PIP5K1B: variants seen among roughly 807,000 people sequenced by gnomAD.
PIP5K1B encodes the protein phosphatidylinositol 4-phosphate 5-kinase type-1 beta.
PIP5K1B carries 42 observed loss-of-function variants against 67.0 expected under a neutral mutation model. That is an observed-to-expected ratio of 0.63 (90% confidence interval 0.49 to 0.81). The LOEUF (loss-of-function observed/expected upper bound fraction) is 0.81. Among genes scored for constraint, PIP5K1B ranks in the 30% least tolerant of loss-of-function variants. The probability of loss-of-function intolerance (pLI) is 0.00; values close to 1 mark genes in which losing one functional copy is unlikely to be tolerated. For synonymous variants in PIP5K1B, 214 were observed against 231.4 expected (o/e 0.92, Z 0.68); for missense variants, 459 against 646.3 (o/e 0.71, Z 3.14).
intron 6 of PIP5K1B, among the ~76,000 whole-genome samples, chr9:68,881,159 G>A (rs1265641266): frequency 2.6e-5 from 4 of 152,144 alleles, no homozygotes; most frequent in Admixed American, 2.0e-4. Flanking sequence ...AGAGCTTGAA[G>A]ACCCTTCACC....
chr9:68,899,777 A>G (rs1337817742), intron 8 of PIP5K1B, among the ~76,000 whole-genome samples: 2 of 152,140 alleles, frequency 1.3e-5, no homozygotes, highest in Admixed American at 1.3e-4. Flanking sequence ...TCCAACTTTT[A>G]TTTTAAGTTC....
intron 6 of PIP5K1B, among the ~76,000 whole-genome samples, chr9:68,882,803 A>G (rs187648844): frequency 6.6e-6 from 1 of 152,336 alleles, no homozygotes; most frequent in African/African-American, 2.4e-5. Flanking sequence ...CTTGGAGTCC[A>G]CACCTTTATA....
intron 14 of PIP5K1B, among the ~76,000 whole-genome samples, chr9:68,978,613 C>T (rs2132873927): frequency 6.6e-6 from 1 of 152,268 alleles, no homozygotes; most frequent in South Asian, 2.1e-4. Flanking sequence ...AAGCCCAGCA[C>T]TTGGAATGAA....
chr9:68,778,962 T>C (rs1173854375), intron 2 of PIP5K1B, among the ~76,000 whole-genome samples: 2 of 152,208 alleles, frequency 1.3e-5, no homozygotes, highest in African/African-American at 2.4e-5. Flanking sequence ...TCAACTCTAA[T>C]TGTCCCCTGA....
chr9:68,716,997 A>G (rs1174851956), intron 1 of PIP5K1B, among the ~76,000 whole-genome samples: 1 of 152,162 alleles, frequency 6.6e-6, no homozygotes, highest in Non-Finnish European at 1.5e-5. Flanking sequence ...GCAACCAAAT[A>G]CCGCGTGTTC....
At chr9:68,802,147 G>A (rs1225566405) in intron 2 of PIP5K1B, among the ~76,000 whole-genome samples, 4 of 152,148 alleles carry the variant, frequency 2.6e-5, no homozygotes, top group Non-Finnish European at 4.4e-5. Flanking sequence ...AATGAACCTG[G>A]AATAGCAAGA....
intron 4 of PIP5K1B, among the ~76,000 whole-genome samples, chr9:68,844,009 C>G (rs1486176839): frequency 6.6e-6 from 1 of 152,138 alleles, no homozygotes; most frequent in Non-Finnish European, 1.5e-5. Context: ...CAGTAGTTGG[C>G]CAGGCCTTTT....
chr9:68,928,802 A>G (rs1292075299), intron 12 of PIP5K1B, among the ~76,000 whole-genome samples: 1 of 152,156 alleles, frequency 6.6e-6, no homozygotes, highest in African/African-American at 2.4e-5. Context: ...ATTTATCATG[A>G]CCTATAATGA....
At chr9:68,710,766 G>A (rs193134811) in intron 1 of PIP5K1B, among the ~76,000 whole-genome samples, 1 of 152,328 alleles carries the variant, frequency 6.6e-6, no homozygotes, top group East Asian at 1.9e-4. Flanking sequence ...GTGTGTTCTT[G>A]TAGGAAGTCT....
chr9:69,008,372 T>C lies in PIP5K1B; in HGVS notation c.1621-75T>C, dbSNP rs535092381. ...GTGATTGGGAGAAATAACGAACTTA[T>C]GTTGCGACTCATGGGGAGAGGTTAC... On this transcript the variant is annotated intron_variant, in intron 15 of 15. Transcript: ENST00000265382. 8.5e-5 allele frequency: 114 copies of C among 1,338,392 alleles called. No homozygotes were observed. The South Asian group carries it at 1.1e-3, about 13-fold the overall frequency. The allele number at this position is 1,338,392 out of a possible 1,614,324, so 82.9% of individuals were successfully genotyped here. A position where few individuals can be genotyped will look rare whatever the true frequency, so the allele number is the denominator to read the frequency against.
intron 11 of PIP5K1B, among the ~76,000 whole-genome samples, chr9:68,922,251 G>C (rs1336639195): frequency 1.3e-5 from 2 of 152,112 alleles, no homozygotes; most frequent in Non-Finnish European, 2.9e-5. Context: ...GATCACTTGA[G>C]GTCAGGAGTT....
At chr9:68,953,424 T>G (rs1212568283) in intron 14 of PIP5K1B, among the ~76,000 whole-genome samples, 1 of 152,190 alleles carries the variant, frequency 6.6e-6, no homozygotes. Flanking sequence ...GGCTGCCTTT[T>G]TCTCTTTGTA....
chr9:68,806,589 C>T (rs556519414), intron 2 of PIP5K1B, among the ~76,000 whole-genome samples: 9 of 152,324 alleles, frequency 5.9e-5, no homozygotes, highest in Middle Eastern at 3.4e-3. Context: ...CCATCTAGCC[C>T]GCCGCTAATC....
intron 14 of PIP5K1B, among the ~76,000 whole-genome samples, chr9:68,975,651 A>G (rs1327319163): frequency 6.6e-6 from 1 of 152,156 alleles, no homozygotes; most frequent in East Asian, 1.9e-4. Context: ...TAAACAACAG[A>G]AATTTGTCTC....
chr9:68,854,934 T>C (rs1054022844), intron 4 of PIP5K1B, among the ~76,000 whole-genome samples: 1 of 152,218 alleles, frequency 6.6e-6, no homozygotes, highest in Non-Finnish European at 1.5e-5. Flanking sequence ...AAACTTAACA[T>C]AGTATCTTAT....
intron 4 of PIP5K1B, among the ~76,000 whole-genome samples, chr9:68,851,679 C>T (rs969370911): frequency 5.3e-5 from 8 of 152,132 alleles, no homozygotes; most frequent in African/African-American, 1.9e-4. Flanking sequence ...GCATGGAAAG[C>T]CCAGAGATCA....
chr9:68,720,265 AG>A (rs1453190354), intron 1 of PIP5K1B, among the ~76,000 whole-genome samples: 1 of 152,144 alleles, frequency 6.6e-6, no homozygotes. Flanking sequence ...TCCTTCCCCG[AG>A]GAGCAGCCTT....
chr9:68,968,524 G>A (rs1158964513), intron 14 of PIP5K1B, among the ~76,000 whole-genome samples: 1 of 146,386 alleles, frequency 6.8e-6, no homozygotes, highest in African/African-American at 2.5e-5. Flanking sequence ...AAAAAAACCT[G>A]TTCTAATAAC....
intron 14 of PIP5K1B, among the ~76,000 whole-genome samples, chr9:68,974,497 A>G (rs1829541337): frequency 6.6e-6 from 1 of 152,216 alleles, no homozygotes; most frequent in African/African-American, 2.4e-5. Context: ...AGAGATTACT[A>G]AAGCTGTACC....
Sources: gnomAD v4.1 joint callset for allele counts (sites outside exome capture counted in the v4.1 genomes callset) on GRCh38, gnomAD v4.1.1 for gene constraint, MANE v1.5 for transcripts, NCBI Gene and HGNC (gene_info 2026-07-23, HGNC 2026-07-21) for gene names.